The following CPA6 variants were observed in gnomAD, a reference collection of about 807,000 sequenced individuals.
The protein encoded by CPA6 is carboxypeptidase B.
Under a neutral mutation model 63.3 loss-of-function variants are expected in CPA6, and 58 were observed. That is an observed-to-expected ratio of 0.92 (90% CI 0.74 to 1.14). CPA6 has a LOEUF of 1.14. Among genes scored for constraint, CPA6 ranks in the 50% most tolerant of loss-of-function variants. The pLI is 0.00. For synonymous variants in CPA6, 185 were observed against 179.0 expected (o/e 1.03, Z -0.27); for missense variants, 565 against 526.6 (o/e 1.07, Z -0.71).
intron 1 of CPA6, among the ~76,000 whole-genome samples, chr8:67,677,218 T>C (rs1173616966): frequency 6.6e-6 from 1 of 152,230 alleles, no homozygotes; most frequent in Non-Finnish European, 1.5e-5. Flanking sequence ...TCAGAATATT[T>C]GGAAAGAGAT....
chr8:67,727,827 C>T (rs1032773356), intron 1 of CPA6, among the ~76,000 whole-genome samples: 1 of 152,094 alleles, frequency 6.6e-6, no homozygotes, highest in Non-Finnish European at 1.5e-5. Context: ...GCCTGTAATC[C>T]CAGCACTTTG....
intron 8 of CPA6, among the ~76,000 whole-genome samples, chr8:67,447,532 C>CAA (rs1215982601): frequency 6.7e-6 from 1 of 148,350 alleles, no homozygotes; most frequent in Non-Finnish European, 1.5e-5. Context: ...CACACACACA[C>CAA]ACACACACAC....
chr8:67,723,605 A>C (rs1817544037), intron 1 of CPA6, among the ~76,000 whole-genome samples: 3 of 152,164 alleles, frequency 2.0e-5, no homozygotes, highest in African/African-American at 7.2e-5. Context: ...CTATGGGAAA[A>C]ATTAAAACAC....
chr8:67,437,507 G>C (rs1316204600), intron 8 of CPA6, among the ~76,000 whole-genome samples: 1 of 152,206 alleles, frequency 6.6e-6, no homozygotes, highest in African/African-American at 2.4e-5. Flanking sequence ...GAAAAGGCAG[G>C]ATCACAAACT....
chr8:67,481,322 A>G (rs1487577448), intron 8 of CPA6, among the ~76,000 whole-genome samples: 2 of 152,244 alleles, frequency 1.3e-5, no homozygotes, highest in Non-Finnish European at 2.9e-5. Flanking sequence ...TGGCAAATGA[A>G]TGAAAGAAAT....
chr8:67,634,221 T>TATTA (rs1246068845), intron 1 of CPA6, among the ~76,000 whole-genome samples: 2 of 140,666 alleles, frequency 1.4e-5, no homozygotes, highest in Non-Finnish European at 3.0e-5. Flanking sequence ...TTATTATTAT[T>TATTA]TATTTGTTTT....
chr8:67,536,628 C>A (rs1812590717), intron 2 of CPA6, among the ~76,000 whole-genome samples: 1 of 152,170 alleles, frequency 6.6e-6, no homozygotes, highest in Non-Finnish European at 1.5e-5. Context: ...AATATGCAAT[C>A]ATGTCATCTG....
intron 1 of CPA6, among the ~76,000 whole-genome samples, chr8:67,624,938 A>G (rs574790790): frequency 6.6e-6 from 1 of 152,280 alleles, no homozygotes; most frequent in African/African-American, 2.4e-5. Flanking sequence ...ATCACTGAGA[A>G]GATGATTATT....
chr8:67,468,274 C>T (rs1810974321), intron 8 of CPA6, among the ~76,000 whole-genome samples: 1 of 152,008 alleles, frequency 6.6e-6, no homozygotes, highest in African/African-American at 2.4e-5. Context: ...TAAAATAATT[C>T]AGCTTCCAAA....
chr8:67,659,533 G>T (rs554321531), intron 1 of CPA6, among the ~76,000 whole-genome samples: 2 of 152,172 alleles, frequency 1.3e-5, no homozygotes, highest in Non-Finnish European at 2.9e-5. Context: ...CTCCTCTGAT[G>T]CACACCAATA....
At chr8:67,592,465 C>T (rs1814157506) in intron 2 of CPA6, among the ~76,000 whole-genome samples, 1 of 151,812 alleles carries the variant, frequency 6.6e-6, no homozygotes, top group Admixed American at 6.6e-5. Flanking sequence ...AGGAATGGTA[C>T]CAGTTCCTCC....
In CPA6 at chr8:67,511,610, G is replaced by C; in HGVS notation, c.363C>G (p.Ser121Arg). 6.2e-7 allele frequency: 1 copy of C among 1,612,610 alleles called. No homozygotes were observed. The highest frequency in any genetic ancestry group is 8.5e-7 in the Non-Finnish European group (1 of 1,178,696). ...DLQKTLEKGS[S>R]LHTQRNRRSL... ...ATCTTCGGTTTCTCTGGGTGTGCAAGCTGCTTCCCTTCTCCAGTGTTTTCT... is the reference window on the plus strand; with the variant it reads ...ATCTTCGGTTTCTCTGGGTGTGCAACCTGCTTCCCTTCTCCAGTGTTTTCT... The change falls in exon 4 of 11, where the codon AGC becomes AGG. Residue 121 changes from serine to arginine, a missense_variant. By Grantham distance (110) the Ser-to-Arg change is moderately radical (BLOSUM62 -1). Coordinates refer to ENST00000297770, the MANE Select transcript of CPA6 (RefSeq NM_020361.5).
intron 8 of CPA6, among the ~76,000 whole-genome samples, chr8:67,434,490 C>A (rs1810101002): frequency 6.6e-6 from 1 of 152,200 alleles, no homozygotes; most frequent in African/African-American, 2.4e-5. Context: ...ACAAACCACT[C>A]TAAAGAAATT....
chr8:67,563,636 G>A (rs995029749), intron 2 of CPA6, among the ~76,000 whole-genome samples: 14 of 152,090 alleles, frequency 9.2e-5, no homozygotes, highest in Non-Finnish European at 1.8e-4. Flanking sequence ...ACAAAAGTAG[G>A]CTGTGGGGCT....
At chr8:67,710,403 A>ACC (rs61370329) in intron 1 of CPA6, among the ~76,000 whole-genome samples, 2,222 of 64,896 alleles carry the variant, frequency 0.034, 32 homozygotes, top group African/African-American at 0.082. Context: ...TCCCGCCCCC[A>ACC]CCCCCCCCCA....
chr8:67,499,044 A>C (rs1166127069), intron 6 of CPA6, among the ~76,000 whole-genome samples: 2 of 152,200 alleles, frequency 1.3e-5, no homozygotes, highest in Non-Finnish European at 2.9e-5. Flanking sequence ...AATTTTCAAA[A>C]TAATAAAATA....
chr8:67,487,075 T>C (rs1811494516), intron 6 of CPA6, among the ~76,000 whole-genome samples: 1 of 152,144 alleles, frequency 6.6e-6, no homozygotes. Context: ...TTAATTATAC[T>C]TTAAATTCTA....
At chr8:67,487,462 T>G (rs1030297242) in intron 6 of CPA6, among the ~76,000 whole-genome samples, 3 of 152,194 alleles carry the variant, frequency 2.0e-5, no homozygotes, top group Admixed American at 6.5e-5. Context: ...TTGATGGACA[T>G]TTGGGTTGGT....
At chr8:67,626,618 A>G (rs1815200053) in intron 1 of CPA6, among the ~76,000 whole-genome samples, 1 of 152,200 alleles carries the variant, frequency 6.6e-6, no homozygotes, top group Non-Finnish European at 1.5e-5. Flanking sequence ...AAATGTAACC[A>G]CATCTCTTCT....
Sources: allele counts gnomAD v4.1 joint callset (sites outside exome capture counted in the v4.1 genomes callset), GRCh38; gene constraint gnomAD v4.1.1; transcripts MANE v1.5; gene names NCBI Gene and HGNC (gene_info 2026-07-23, HGNC 2026-07-21).